Variants in PEX6 observed in about 807,000 individuals in gnomAD.
PEX6 encodes the protein peroxisome biogenesis factor 6.
Under a neutral mutation model 85.6 loss-of-function variants are expected in PEX6, and 55 were observed. The observed-to-expected ratio is 0.64, with a 90% CI of 0.52 to 0.80. The LOEUF is 0.80. Ranked by LOEUF, PEX6 falls within the 30% of genes least tolerant of loss-of-function variation. PEX6 has a pLI of 0.00. For synonymous variants in PEX6, 519 were observed against 549.1 expected (o/e 0.95, Z 0.77); for missense variants, 1,099 against 1,260.3 (o/e 0.87, Z 1.94).
Position 42,968,961 on chromosome 6 carries a change from G to A in PEX6, c.1392C>T (p.Ser464=), listed in dbSNP as rs1345870957. ...CTGGGGGGCCCCGTAGAAGGACACT[G>A]CTAGTTCCTGTCAGCAGGGCACCCC... ...QPGGALLTGT[S]SVLLRGPPGC... The change falls in exon 6 of 17, where the codon AGC becomes AGT. Residue 464 remains serine, a synonymous_variant. Coordinates refer to ENST00000304611, the MANE Select transcript of PEX6 (RefSeq NM_000287.4). 4 of 1,613,644 alleles carry A rather than the reference G, an allele frequency of 2.5e-6. No individual in the cohort carries two copies. The highest frequency in any genetic ancestry group is 2.5e-6 in the Non-Finnish European group (3 of 1,179,772).
At position 42,968,943 on chromosome 6, in the gene PEX6, G is replaced by A. The variant is rs1206140976; in HGVS notation, c.1410C>T (p.Gly470=). 15 of 1,613,912 alleles carry A rather than the reference G, an allele frequency of 9.3e-6. No homozygotes were observed. Among genetic ancestry groups the A allele is most frequent in the Admixed American group, 1.7e-5 (1 of 60,014 alleles). ...LTGTSSVLLR[G]PPGCGKTTVV... Reference sequence around the variant, plus strand: ...CTGTGGTCTTCCCACAGCCTGGGGGGCCCCGTAGAAGGACACTGCTAGTTC... The same window carrying A: ...CTGTGGTCTTCCCACAGCCTGGGGGACCCCGTAGAAGGACACTGCTAGTTC... Residue 470 remains glycine, a synonymous_variant, in exon 6 of 17, where the codon GGC becomes GGT. Coordinates refer to ENST00000304611, the MANE Select transcript of PEX6 (RefSeq NM_000287.4).
Position 42,966,366 on chromosome 6 carries a change from C to A in PEX6, c.2176G>T (p.Glu726Ter). Reference protein sequence around the residue: ...EILETIQLPLEHPELLSLGLR... With the variant: ...EILETIQLPL ...CCCAGGCTCAGTAGCTCAGGGTGCTCCAGGGGGAGCTGAATGGTCTCCAGG... is the reference window on the plus strand; with the variant it reads ...CCCAGGCTCAGTAGCTCAGGGTGCTACAGGGGGAGCTGAATGGTCTCCAGG... The change falls in exon 11 of 17, where the codon GAG becomes TAG. Residue 726 changes from glutamate to a stop codon, truncating the protein, a stop_gained. Transcript: ENST00000304611. LOFTEE classifies it high-confidence loss of function. The A allele has an allele frequency of 6.2e-7, 1 of 1,614,008 alleles. No individual in the cohort carries two copies. Among genetic ancestry groups the A allele is most frequent in the Non-Finnish European group, 8.5e-7 (1 of 1,180,000 alleles).
In PEX6 at chr6:42,974,035, C is replaced by G; in HGVS notation, c.1098G>C (p.Glu366Asp). The G allele has an allele frequency of 6.2e-7, 1 of 1,614,082 alleles. No homozygotes were observed. The highest frequency in any genetic ancestry group is 1.1e-5 in the South Asian group (1 of 91,080). Residue 366 changes from glutamate to aspartate, a missense_variant, in exon 3 of 17, where the codon GAG (glutamate) becomes GAC (aspartate). Physicochemically the swap from Glu to Asp is conservative, Grantham distance 45. This residue lies in a region of PEX6 where 579 missense variants were observed against 611.6 expected (regional missense o/e 0.95). Transcript: ENST00000304611. ...GTTTCTCTGGACTTCCTTCCAGGAT[C>G]TCTACTTGCCCAATTGTTGGCACAC... is the stretch of plus-strand genomic sequence containing the variant. ...VLCVPTIGQV[E>D]ILEGSPEKLP...
chr6:42,963,874 T>C lies in PEX6; in HGVS notation c.*461A>G. 1.5e-6 allele frequency: 1 copy of C among 659,964 alleles called. No homozygotes were observed. Among genetic ancestry groups the C allele is most frequent in the South Asian group, 1.6e-5 (1 of 63,938 alleles). 40.9% of individuals were successfully genotyped at this position (659,964 alleles called of 1,614,324 possible). A position where few individuals can be genotyped will look rare whatever the true frequency, so the allele number is the denominator to read the frequency against. ...GGTAAACAATATAGTCTTTTTCAGT[T>C]CCTGCATGCATTGTGTTTATTTATG... On this transcript the variant is annotated 3_prime_UTR_variant, in exon 17 of 17. Coordinates refer to ENST00000304611, the MANE Select transcript of PEX6 (RefSeq NM_000287.4).
Position 42,969,874 on chromosome 6 carries a change from TG to T in PEX6, c.1233+10del. On this transcript the variant is annotated intron_variant, in intron 4 of 16. Coordinates refer to ENST00000304611, the MANE Select transcript of PEX6 (RefSeq NM_000287.4). The stretch of plus-strand genomic sequence containing the variant: ...CCCTGCGCTGGTCTACACCCATCCT[TG>T]GGGCCTCACCATGTACAAGGAGGTA... The T allele has an allele frequency of 1.2e-6, 2 of 1,614,156 alleles. No homozygotes were observed. The highest frequency in any genetic ancestry group is 3.3e-5 in the Admixed American group (2 of 60,026).
rs368663953 is a variant in PEX6 at position 42,978,261 on chromosome 6, T to C, written c.882+8A>G. On this transcript the variant is annotated splice_region_variant and intron_variant, in intron 1 of 16. Coordinates refer to ENST00000304611, the MANE Select transcript of PEX6 (RefSeq NM_000287.4). ...GGAAGCACTCCTGACCCCAGTCCTT[T>C]ATCCTACCTGAATTCTGAGCTCTCC... 6 of 1,614,130 alleles carry C rather than the reference T, an allele frequency of 3.7e-6. No individual in the cohort carries two copies. The Admixed American group carries it at 8.3e-5, about 22-fold the overall frequency.
chr6:42,965,206 A>C lies in PEX6; in HGVS notation c.2588+46T>G, dbSNP rs761084004. ...CAGGGAGCCCAGCCATGAGGGGTGAAGGAGGCACAAAATGAGGGTGGAGAT... is the reference window on the plus strand; with the variant it reads ...CAGGGAGCCCAGCCATGAGGGGTGACGGAGGCACAAAATGAGGGTGGAGAT... On this transcript the variant is annotated intron_variant, in intron 14 of 16. Coordinates refer to ENST00000304611, the MANE Select transcript of PEX6 (RefSeq NM_000287.4). The surrounding 1 kb of genome is among the most constrained non-coding windows in gnomAD (Gnocchi z 5.0). The C allele has an allele frequency of 2.5e-6, 4 of 1,608,854 alleles. No homozygotes were observed. The South Asian group carries it at 4.4e-5, about 18-fold the overall frequency.
rs1769672500 is a variant in PEX6, at chr6:42,964,737, C to T, written c.2806+53G>A. 1 of 1,611,658 alleles carries T rather than the reference C, an allele frequency of 6.2e-7. No individual in the cohort carries two copies. The highest frequency in any genetic ancestry group is 1.1e-5 in the South Asian group (1 of 90,900). On this transcript the variant is annotated intron_variant, in intron 16 of 16. Transcript: ENST00000304611. This position sits in a 1 kb window ranked among gnomAD's most constrained non-coding sequence, Gnocchi z 4.6. ...CTCAAGTAGCTGGGACTCAGGTGCA[C>T]CCAGCTCCCCACTAGCTTTTTGGTT...
At chr6:42,972,506 C>T (rs1353798405) in intron 3 of PEX6, among the ~76,000 whole-genome samples, 1 of 152,196 alleles carries the variant, frequency 6.6e-6, no homozygotes. Flanking sequence ...TGCGGTGGCT[C>T]ACGCCTGTAA....
chr6:42,965,008 T>A lies in PEX6; in HGVS notation c.2666+67A>T, dbSNP rs2114236719. 1.2e-6 allele frequency: 2 copies of A among 1,611,846 alleles called. No homozygotes were observed. On this transcript the variant is annotated intron_variant, in intron 15 of 16. Transcript: ENST00000304611. This position sits in a 1 kb window ranked among gnomAD's most constrained non-coding sequence, Gnocchi z 5.0. ...CCAGTGCTGACCAGCTCATCCTGCA[T>A]GTTGCATGCATCCCCTAAGCATCCC... is the stretch of plus-strand genomic sequence containing the variant.
Position 42,965,334 on chromosome 6 carries a change from G to T in PEX6, c.2506C>A (p.Leu836Met), listed in dbSNP as rs746258580. 1 of 1,614,116 alleles carries T rather than the reference G, an allele frequency of 6.2e-7. No homozygotes were observed. Reference protein sequence around the residue: ...VSQLLAELDGLHSTQDVFVIG... With the variant: ...VSQLLAELDGMHSTQDVFVIG... ...ACAAACACATCCTGAGTGCTGTGCA[G>T]CCCATCTAGCTCGGCAAGGAGCTGA... The change falls in exon 14 of 17, where the codon CTG (leucine) becomes ATG (methionine). Residue 836 changes from leucine (L) to methionine (M), a missense_variant. By Grantham distance (15) the Leu-to-Met change is conservative. This residue lies in a region of PEX6 where 514 missense variants were observed against 627.0 expected (regional missense o/e 0.82). Transcript: ENST00000304611. The surrounding 1 kb of genome is among the most constrained non-coding windows in gnomAD (Gnocchi z 5.0).
chr6:42,973,980 T>C, intron 3 of PEX6, 23 bp downstream of exon 3: 1 of 1,560,066 alleles, frequency 6.4e-7, no homozygotes, highest in Non-Finnish European at 8.8e-7. Context: ...ATCCCAGCTG[T>C]AGGACAGAAG....
chr6:42,975,167 G>T, intron 1 of PEX6, 129 bp from the exon 2 acceptor site: 1 of 805,282 alleles, frequency 1.2e-6, no homozygotes, highest in Non-Finnish European at 2.1e-6. Context: ...GGAAGGTGGG[G>T]CCTGAGGTAG....
At position 42,964,488 on chromosome 6, in the gene PEX6, G is replaced by T; in HGVS notation, c.2807-17C>A. On this transcript the variant is annotated splice_polypyrimidine_tract_variant and intron_variant, in intron 16 of 16. Transcript: ENST00000304611. This position sits in a 1 kb window ranked among gnomAD's most constrained non-coding sequence, Gnocchi z 4.6. ...GCTCCAGCCCTGGAGATGACAAGGT[G>T]GGGAGGCTGTGGTCTATGCCCAGGC... The T allele has an allele frequency of 1.9e-6, 3 of 1,612,624 alleles. No individual in the cohort carries two copies. In the South Asian group the frequency reaches 3.3e-5, roughly 18 times the overall value.
intron 6 of PEX6, 35 bp from the exon 7 acceptor site, chr6:42,968,533 G>A (rs1769933152): frequency 6.6e-7 from 1 of 1,520,712 alleles, no homozygotes; most frequent in Middle Eastern, 1.7e-4. Flanking sequence ...TGTGAGCAAG[G>A]GGAAAGCATG....
chr6:42,964,717 G>A lies in PEX6; in HGVS notation c.2806+73C>T. ...CGATCCTCCCACCTCAGCCTCTCAA[G>A]TAGCTGGGACTCAGGTGCACCCAGC... On this transcript the variant is annotated intron_variant, in intron 16 of 16. Coordinates refer to ENST00000304611, the MANE Select transcript of PEX6 (RefSeq NM_000287.4). The surrounding 1 kb of genome is among the most constrained non-coding windows in gnomAD (Gnocchi z 4.6). 6.9e-6 allele frequency: 11 copies of A among 1,590,106 alleles called. No homozygotes were observed. The highest frequency in any genetic ancestry group is 8.6e-6 in the Non-Finnish European group (10 of 1,159,634).
At position 42,965,911 on chromosome 6, in the gene PEX6, C is replaced by T; in HGVS notation, c.2363-122G>A. The T allele has an allele frequency of 1.5e-6, 2 of 1,325,162 alleles. No homozygotes were observed. The highest frequency in any genetic ancestry group is 1.1e-6 in the Non-Finnish European group (1 of 921,256). 82.1% of individuals were successfully genotyped at this position (1,325,162 alleles called of 1,614,324 possible). On this transcript the variant is annotated intron_variant, in intron 12 of 16. Transcript: ENST00000304611. This position sits in a 1 kb window ranked among gnomAD's most constrained non-coding sequence, Gnocchi z 5.0. ...AGCACTGGCATCCCAGGTACTAGAC[C>T]CAGCTGGGCAGGAACCTGACTTGTA... is the stretch of plus-strand genomic sequence containing the variant.
intron 1 of PEX6, 142 bp downstream of exon 1, chr6:42,978,127 G>A (rs1475198221): frequency 9.8e-7 from 1 of 1,024,190 alleles, no homozygotes; most frequent in Non-Finnish European, 1.5e-6. Context: ...TTACAGGCGT[G>A]AGTCACCGCG....
chr6:42,965,825 T>G lies in PEX6; in HGVS notation c.2363-36A>C. The stretch of plus-strand genomic sequence containing the variant: ...AGAGGGGCCCACAGGAGGGCAAAGC[T>G]CGGCTTGTGGGGGGTTGAAGTTAGG... On this transcript the variant is annotated intron_variant, in intron 12 of 16. Coordinates refer to ENST00000304611, the MANE Select transcript of PEX6 (RefSeq NM_000287.4). This position sits in a 1 kb window ranked among gnomAD's most constrained non-coding sequence, Gnocchi z 5.0. 1 of 1,577,948 alleles carries G rather than the reference T, an allele frequency of 6.3e-7. No individual in the cohort carries two copies. Among genetic ancestry groups the G allele is most frequent in the Non-Finnish European group, 8.7e-7 (1 of 1,147,670 alleles).
Sources: gnomAD v4.1 joint callset for allele counts (sites outside exome capture counted in the v4.1 genomes callset) on GRCh38, gnomAD v4.1.1 for gene constraint, gnomAD v4.1.1 regional missense constraint, Gnocchi (gnomAD v3.1) non-coding constraint, MANE v1.5 for transcripts, NCBI Gene and HGNC (gene_info 2026-07-23, HGNC 2026-07-21) for gene names.